SUSD3: variants seen among roughly 807,000 people sequenced by gnomAD.
SUSD3 encodes the protein sushi domain-containing protein 3.
In SUSD3, 18 loss-of-function variants were observed where a neutral mutation model predicts 20.6. The ratio of observed to expected loss-of-function variants is 0.87; its 90% CI spans 0.60 to 1.30. The LOEUF is 1.30. SUSD3 is among the 50% of genes most tolerant of loss of function. The pLI, the probability that SUSD3 is intolerant of heterozygous loss-of-function variation, is 0.00. For synonymous variants in SUSD3, 137 were observed against 141.5 expected, an observed-to-expected ratio of 0.97 and a Z score of 0.23; for missense variants, 306 against 346.9, an observed-to-expected ratio of 0.88 and a Z score of 0.94.
chr9:93,064,600 A>G (rs762633294), intron 1 of SUSD3, among the ~76,000 whole-genome samples: 1 of 152,242 alleles, frequency 6.6e-6, no homozygotes, highest in Non-Finnish European at 1.5e-5. Flanking sequence ...TCGACCTCAG[A>G]CATAGCTAGG....
chr9:93,058,732 G>T lies in SUSD3; in HGVS notation c.-11G>T. 1.6e-6 allele frequency: 2 copies of T among 1,232,366 alleles called. No homozygotes were observed. The highest frequency in any genetic ancestry group is 7.6e-5 in the South Asian group (2 of 26,256). The allele number at this position is 1,232,366 out of a possible 1,614,324, so 76.3% of individuals were successfully genotyped here. A position where few individuals can be genotyped will look rare whatever the true frequency, so the allele number is the denominator to read the frequency against. On this transcript the variant is annotated 5_prime_UTR_variant, in exon 1 of 5. Coordinates refer to ENST00000375472, the MANE Select transcript of SUSD3 (RefSeq NM_145006.4). ...CTGGCAGACCCCGCCAAGCGCCTCG[G>T]AGCGCGCAGGATGCGCTGGGCGGCC...
At chr9:93,082,582 G>A (rs1160940712) in intron 4 of SUSD3, among the ~76,000 whole-genome samples, 1 of 152,154 alleles carries the variant, frequency 6.6e-6, no homozygotes, top group Non-Finnish European at 1.5e-5. Flanking sequence ...CTCCCAAAGT[G>A]CTGGGATTAC....
intron 1 of SUSD3, among the ~76,000 whole-genome samples, chr9:93,066,037 GAGGTT>G (rs1464067018): frequency 2.6e-5 from 4 of 152,140 alleles, no homozygotes; most frequent in Non-Finnish European, 5.9e-5. Context: ...GCATCCCTGG[GAGGTT>G]CTGCCTCCTG....
intron 3 of SUSD3, 100 bp downstream of exon 3, chr9:93,078,093 C>G: frequency 6.6e-7 from 1 of 1,506,800 alleles, no homozygotes; most frequent in South Asian, 1.2e-5. Flanking sequence ...CCGGCACTGC[C>G]CTCAGGGCAC....
At chr9:93,077,748 C>G (rs1026084067) in intron 2 of SUSD3, 98 bp from the exon 3 acceptor site, 1 of 1,363,992 alleles carries the variant, frequency 7.3e-7, no homozygotes. Flanking sequence ...CCTGTCTACA[C>G]CCAGGCCCTA....
At chr9:93,066,671 T>TCA (rs1368030516) in intron 1 of SUSD3, among the ~76,000 whole-genome samples, 1 of 152,240 alleles carries the variant, frequency 6.6e-6, no homozygotes, top group Non-Finnish European at 1.5e-5. Context: ...TTTTGTACAT[T>TCA]CACAGATATG....
intron 1 of SUSD3, 96 bp downstream of exon 1, chr9:93,058,926 G>C: frequency 1.4e-6 from 1 of 690,168 alleles, no homozygotes; most frequent in Non-Finnish European, 2.1e-6. Flanking sequence ...GCACAGCCGT[G>C]GGTGGGGGCC....
chr9:93,079,094 G>A (rs987476442), intron 3 of SUSD3, among the ~76,000 whole-genome samples: 1 of 152,140 alleles, frequency 6.6e-6, no homozygotes, highest in Non-Finnish European at 1.5e-5. Flanking sequence ...GAGCCACTGC[G>A]CCTGGCCAAA....
At chr9:93,064,935 C>T (rs1825650203) in intron 1 of SUSD3, among the ~76,000 whole-genome samples, 3 of 152,172 alleles carry the variant, frequency 2.0e-5, no homozygotes, top group Non-Finnish European at 2.9e-5. Context: ...GAGGCCCTGG[C>T]GGTCACATCC....
chr9:93,080,114 G>A, intron 4 of SUSD3, among the ~76,000 whole-genome samples: 1 of 152,040 alleles, frequency 6.6e-6, no homozygotes, highest in African/African-American at 2.4e-5. Flanking sequence ...GATCACCTGA[G>A]GTCAGGAGTT....
chr9:93,069,246 T>C, intron 1 of SUSD3: 1 of 658,358 alleles, frequency 1.5e-6, no homozygotes, highest in Non-Finnish European at 2.8e-6. Context: ...TTAGTAGCCC[T>C]CTGGGTTATC....
At position 93,058,828 on chromosome 9, in the gene SUSD3, C is replaced by G; in HGVS notation, c.86C>G (p.Thr29Arg). The change falls in exon 1 of 5, where the codon ACA (threonine) becomes AGA (arginine). Residue 29 changes from threonine (T) to arginine (R), a missense_variant and splice_region_variant. Transcript: ENST00000375472. Reference protein sequence around the residue: ...GVTTPAPGNRTGTCAKLRLPP... With the variant: ...GVTTPAPGNRRGTCAKLRLPP... ...ACCACGCCTGCCCCAGGGAACCGCA[C>G]AGGTGAGGGCTGGGGCCGAGTGGCC... 7.9e-7 allele frequency: 1 copy of G among 1,261,922 alleles called. No homozygotes were observed. Among genetic ancestry groups the G allele is most frequent in the Non-Finnish European group, 1.0e-6 (1 of 1,002,682 alleles). 78.2% of individuals were successfully genotyped at this position (1,261,922 alleles called of 1,614,324 possible).
chr9:93,073,495 G>A (rs546313819), intron 1 of SUSD3, among the ~76,000 whole-genome samples: 57 of 152,168 alleles, frequency 3.7e-4, no homozygotes, highest in African/African-American at 1.3e-3. Flanking sequence ...TGATCCGCCC[G>A]CCTCGGCCTC....
chr9:93,084,427 C>A (rs1826559623), intron 4 of SUSD3, 110 bp from the exon 5 acceptor site: 1 of 992,892 alleles, frequency 1.0e-6, no homozygotes. Context: ...GTGCTCAGGG[C>A]AGCAGTTGCC....
At chr9:93,082,606 C>T (rs183554921) in intron 4 of SUSD3, among the ~76,000 whole-genome samples, 48 of 152,256 alleles carry the variant, frequency 3.2e-4, no homozygotes, top group African/African-American at 1.1e-3. Context: ...CGTGAGCCAC[C>T]GTGCCTGACC....
chr9:93,078,416 A>G (rs1235832577), intron 3 of SUSD3, among the ~76,000 whole-genome samples: 2 of 151,810 alleles, frequency 1.3e-5, no homozygotes, highest in African/African-American at 2.4e-5. Context: ...GTACCACCAC[A>G]CTCGGCTAAT....
At position 93,062,744 on chromosome 9, in the gene SUSD3, G is replaced by A. The variant is rs555565928; in HGVS notation, c.88+3914G>A. ...GTCCCCTGGGAGTCCGGGAGTCTCTGTGTGAGCAGGACTTGGCTGTGCGGT... is the reference window on the plus strand; with the variant it reads ...GTCCCCTGGGAGTCCGGGAGTCTCTATGTGAGCAGGACTTGGCTGTGCGGT... On this transcript the variant is annotated intron_variant, in intron 1 of 4. Coordinates refer to ENST00000375472, the MANE Select transcript of SUSD3 (RefSeq NM_145006.4). 3.2e-4 allele frequency among the ~76,000 whole-genome samples: 48 copies of A among 152,308 alleles called. No individual in the cohort carries two copies. The South Asian group carries it at 3.9e-3, about 12-fold the overall frequency.
intron 1 of SUSD3, among the ~76,000 whole-genome samples, chr9:93,063,179 G>A (rs937156273): frequency 2.6e-5 from 4 of 152,212 alleles, no homozygotes; most frequent in Non-Finnish European, 5.9e-5. Context: ...CCTGTATGCT[G>A]CAGACCTTGG....
intron 2 of SUSD3, among the ~76,000 whole-genome samples, chr9:93,077,305 C>A (rs1052785812): frequency 1.3e-5 from 2 of 151,988 alleles, no homozygotes; most frequent in Non-Finnish European, 2.9e-5. Flanking sequence ...AAAACCCAGA[C>A]CATGGGCTGG....
Sources: gnomAD v4.1 joint callset for allele counts (sites outside exome capture counted in the v4.1 genomes callset) on GRCh38, gnomAD v4.1.1 for gene constraint, MANE v1.5 for transcripts, NCBI Gene and HGNC (gene_info 2026-07-23, HGNC 2026-07-21) for gene names.